KCNC1: variants seen among roughly 807,000 people sequenced by gnomAD.
KCNC1 encodes the protein voltage-gated potassium channel KCNC1.
In KCNC1, 8 loss-of-function variants were observed where a neutral mutation model predicts 43.4. The ratio of observed to expected loss-of-function variants is 0.18; its 90% CI spans 0.11 to 0.33. The LOEUF is 0.33. Among genes scored for constraint, KCNC1 ranks in the 10% least tolerant of loss-of-function variants. The pLI, the probability that KCNC1 is intolerant of heterozygous loss-of-function variation, is 1.00. For synonymous variants in KCNC1, 361 were observed against 360.5 expected (o/e 1.00, Z -0.01); for missense variants, 420 against 836.0 (o/e 0.50, Z 6.14).
chr11:17,776,536 T>G lies in KCNC1; in HGVS notation c.1505-2920T>G. On this transcript the variant is annotated intron_variant, in intron 2 of 3. Coordinates refer to ENST00000265969, the MANE Select transcript of KCNC1 (RefSeq NM_001112741.2). The surrounding 1 kb of genome is among the most constrained non-coding windows in gnomAD (Gnocchi z 4.4). ...CCTTGCTCCAAAGTTTAAAAAAAAA[T>G]GACCCTCTCGCAGATGCTCATCTCA... 1.0e-6 allele frequency: 1 copy of G among 985,334 alleles called. No homozygotes were observed. The highest frequency in any genetic ancestry group is 1.7e-5 in the African/African-American group (1 of 57,320). The allele number at this position is 985,334 out of a possible 1,614,324, so 61.0% of individuals were successfully genotyped here.
At chr11:17,753,629 G>C (rs116434462) in intron 1 of KCNC1, among the ~76,000 whole-genome samples, 1 of 151,682 alleles carries the variant, frequency 6.6e-6, no homozygotes, top group African/African-American at 2.4e-5. Flanking sequence ...CTCCCATTGC[G>C]CCTCTTCAAA....
chr11:17,746,100 T>C (rs1211980326), intron 1 of KCNC1, among the ~76,000 whole-genome samples: 2 of 152,200 alleles, frequency 1.3e-5, no homozygotes, highest in African/African-American at 4.8e-5. Context: ...AGGGCAGACA[T>C]GGGCACCGTG....
intron 1 of KCNC1, among the ~76,000 whole-genome samples, chr11:17,770,542 T>C (rs1003553854): frequency 6.6e-6 from 1 of 151,824 alleles, no homozygotes; most frequent in Non-Finnish European, 1.5e-5. Flanking sequence ...AGCAGGAGGG[T>C]TTGAAACTCA....
In KCNC1 at chr11:17,762,296, G is replaced by A. The variant is rs1380581910; in HGVS notation, c.571-9369G>A. ...CCCAGCTCAGCAGTTCCCGTTCCATGACTAGAAGATTCTAGGCTTTTCTAC... is the reference window on the plus strand; with the variant it reads ...CCCAGCTCAGCAGTTCCCGTTCCATAACTAGAAGATTCTAGGCTTTTCTAC... On this transcript the variant is annotated intron_variant, in intron 1 of 3. Coordinates refer to ENST00000265969, the MANE Select transcript of KCNC1 (RefSeq NM_001112741.2). 5.3e-5 allele frequency among the ~76,000 whole-genome samples: 8 copies of A among 152,200 alleles called. No individual in the cohort carries two copies. The East Asian group carries it at 1.4e-3, about 26-fold the overall frequency.
Position 17,781,309 on chromosome 11 carries a change from T to G in KCNC1, c.1694-361T>G. The G allele has an allele frequency of 4.5e-6, 1 of 223,230 alleles. No individual in the cohort carries two copies. Among genetic ancestry groups the G allele is most frequent in the Non-Finnish European group, 8.8e-6 (1 of 113,558 alleles). The allele number at this position is 223,230 out of a possible 1,614,324, so 13.8% of individuals were successfully genotyped here. A position where few individuals can be genotyped will look rare whatever the true frequency, so the allele number is the denominator to read the frequency against. On this transcript the variant is annotated intron_variant, in intron 3 of 3. Transcript: ENST00000265969. The surrounding 1 kb of genome is among the most constrained non-coding windows in gnomAD (Gnocchi z 5.1). ...CACCGAGGCTTAGGTGCCAGAGTCT[T>G]TGGGAGGCGCTAAGGGTGAAGTGTC... is the stretch of plus-strand genomic sequence containing the variant.
chr11:17,774,578 C>T, intron 2 of KCNC1: 2 of 985,616 alleles, frequency 2.0e-6, no homozygotes, highest in Non-Finnish European at 1.2e-6. Context: ...AATCCCAGGA[C>T]ACAAAACCTG....
intron 1 of KCNC1, among the ~76,000 whole-genome samples, chr11:17,763,713 C>G: frequency 7.7e-6 from 1 of 129,456 alleles, no homozygotes; most frequent in African/African-American, 2.9e-5. Context: ...CCCACACACA[C>G]CCCCACACAC....
rs755386451 is a variant in KCNC1, at chr11:17,779,605, G to T, written c.1654G>T (p.Gly552Trp). The change falls in exon 3 of 4, where the codon GGG (glycine) becomes TGG (tryptophan). Residue 552 changes from glycine to tryptophan, a missense_variant. Around this residue, in one of 5 missense-constraint regions of KCNC1, gnomAD observed 147 missense variants for 176.1 expected, o/e 0.83. Transcript: ENST00000265969. The surrounding 1 kb of genome is among the most constrained non-coding windows in gnomAD (Gnocchi z 7.2). ...RYGPCFLLSTGEYACPPGGGM... is the reference protein window; with the variant it reads ...RYGPCFLLSTWEYACPPGGGM... ...CGGACCCTGCTTCCTCTTATCAACC[G>T]GGGAGTACGCGTGCCCACCTGGTGG... The T allele has an allele frequency of 1.3e-6, 2 of 1,550,942 alleles. No individual in the cohort carries two copies. The highest frequency in any genetic ancestry group is 1.4e-5 in the African/African-American group (1 of 73,108).
chr11:17,745,128 G>A (rs1052801262), intron 1 of KCNC1, among the ~76,000 whole-genome samples: 6 of 152,176 alleles, frequency 3.9e-5, no homozygotes, highest in Admixed American at 3.3e-4. Flanking sequence ...GCACGGTGGA[G>A]TCTGAGAAGT....
rs540356784 is a variant in KCNC1 at position 17,742,525 on chromosome 11, A to G, written c.570+5953A>G. Among the ~76,000 whole-genome samples, 2 of 152,250 alleles carry G rather than the reference A, an allele frequency of 1.3e-5. No homozygotes were observed. Among genetic ancestry groups the G allele is most frequent in the Admixed American group, 1.3e-4 (2 of 15,296 alleles). On this transcript the variant is annotated intron_variant, in intron 1 of 3. Transcript: ENST00000265969. The surrounding 1 kb of genome is among the most constrained non-coding windows in gnomAD (Gnocchi z 4.2). ...CAGCTCTGGGGCCAGCCTGGCTACC[A>G]CCCCAGCGTGAGCTCCCCTCTGCTA...
Position 17,773,132 on chromosome 11 carries a change from G to C in KCNC1, c.1504+534G>C. ...TGCAAGGGTTCTCACCCCCGGCAGAGCCTGTCTCCATAGCTGAGTAGAATT... is the reference window on the plus strand; with the variant it reads ...TGCAAGGGTTCTCACCCCCGGCAGACCCTGTCTCCATAGCTGAGTAGAATT... On this transcript the variant is annotated intron_variant, in intron 2 of 3. Transcript: ENST00000265969. The surrounding 1 kb of genome is among the most constrained non-coding windows in gnomAD (Gnocchi z 4.1). 1.0e-6 allele frequency: 1 copy of C among 989,864 alleles called. No homozygotes were observed. The highest frequency in any genetic ancestry group is 1.2e-6 in the Non-Finnish European group (1 of 832,960). 61.3% of individuals were successfully genotyped at this position (989,864 alleles called of 1,614,324 possible).
chr11:17,736,633 G>T lies in KCNC1; in HGVS notation c.570+61G>T. The stretch of plus-strand genomic sequence containing the variant: ...GGAAGGCAGCGTCCTGTGCCTCCCC[G>T]CGGGCAGGGGTGGACCGGAGAACTG... On this transcript the variant is annotated intron_variant, in intron 1 of 3. Transcript: ENST00000265969. This position sits in a 1 kb window ranked among gnomAD's most constrained non-coding sequence, Gnocchi z 9.3. 1 of 1,446,454 alleles carries T rather than the reference G, an allele frequency of 6.9e-7. No individual in the cohort carries two copies. The highest frequency in any genetic ancestry group is 1.5e-5 in the South Asian group (1 of 68,458). 89.6% of individuals were successfully genotyped at this position (1,446,454 alleles called of 1,614,324 possible). A position where few individuals can be genotyped will look rare whatever the true frequency, so the allele number is the denominator to read the frequency against.
rs1461354375 is a variant in KCNC1 at position 17,735,436 on chromosome 11, G to T, written c.-567G>T. 11 of 152,050 alleles carry T rather than the reference G, an allele frequency of 7.2e-5. No individual in the cohort carries two copies. The highest frequency in any genetic ancestry group is 7.2e-4 in the Admixed American group (11 of 15,286). The allele number at this position is 152,050 out of a possible 1,614,324, so 9.4% of individuals were successfully genotyped here. On this transcript the variant is annotated 5_prime_UTR_variant, in exon 1 of 4. Transcript: ENST00000265969. This position sits in a 1 kb window ranked among gnomAD's most constrained non-coding sequence, Gnocchi z 6.7. ...GGCATCCATCTCCCCCGCGCCGAGAGCGCGCCGCGGCGACCACCTCACAGA... is the reference window on the plus strand; with the variant it reads ...GGCATCCATCTCCCCCGCGCCGAGATCGCGCCGCGGCGACCACCTCACAGA...
intron 1 of KCNC1, among the ~76,000 whole-genome samples, chr11:17,744,195 C>T (rs1300648731): frequency 2.6e-5 from 4 of 152,172 alleles, no homozygotes; most frequent in Non-Finnish European, 2.9e-5. Context: ...TGCTAACTGA[C>T]GGCTAAGGCT....
Position 17,749,555 on chromosome 11 carries a change from C to T in KCNC1, c.570+12983C>T, listed in dbSNP as rs571951395. Among the ~76,000 whole-genome samples, 3 of 152,340 alleles carry T rather than the reference C, an allele frequency of 2.0e-5. No homozygotes were observed. The South Asian group carries it at 6.2e-4, about 32-fold the overall frequency. On this transcript the variant is annotated intron_variant, in intron 1 of 3. Coordinates refer to ENST00000265969, the MANE Select transcript of KCNC1 (RefSeq NM_001112741.2). ...TGAACACACCTCAGGCCACAGCCAC[C>T]CACCAGGGCCAGTGTCTCGCCACTT...
intron 2 of KCNC1, chr11:17,774,331 T>C: frequency 2.0e-6 from 2 of 985,566 alleles, no homozygotes; most frequent in Non-Finnish European, 2.4e-6. Context: ...GAGCTCAGCC[T>C]GAGTGGCATC....
intron 2 of KCNC1, chr11:17,775,971 T>A (rs1849281895): frequency 1.0e-6 from 1 of 985,082 alleles, no homozygotes; most frequent in African/African-American, 1.7e-5. Context: ...CAGTGAGTGG[T>A]GCTATCCATG....
rs528586646 is a variant in KCNC1 at position 17,765,982 on chromosome 11, G to A, written c.571-5683G>A. 2.2e-3 allele frequency: 339 copies of A among 153,076 alleles called. 2 individuals are homozygous for A. The highest frequency in any genetic ancestry group is 0.013 in the Middle Eastern group (4 of 302). 9.5% of individuals were successfully genotyped at this position (153,076 alleles called of 1,614,324 possible). ...AGATGGCAGCCTGAGCAGAGAGGGC[G>A]GAGGAGGCAGAGGCAAGGTGGGCTG... On this transcript the variant is annotated intron_variant, in intron 1 of 3. Transcript: ENST00000265969.
At chr11:17,751,841 G>C (rs1282538456) in intron 1 of KCNC1, among the ~76,000 whole-genome samples, 1 of 152,200 alleles carries the variant, frequency 6.6e-6, no homozygotes, top group Non-Finnish European at 1.5e-5. Context: ...GTGTGAGAGA[G>C]TCTGTGGTTT....
Sources: gnomAD v4.1 joint callset for allele counts (sites outside exome capture counted in the v4.1 genomes callset) on GRCh38, gnomAD v4.1.1 for gene constraint, gnomAD v4.1.1 regional missense constraint, Gnocchi (gnomAD v3.1) non-coding constraint, MANE v1.5 for transcripts, NCBI Gene and HGNC (gene_info 2026-07-23, HGNC 2026-07-21) for gene names.